LIN28B: variants seen among roughly 807,000 people sequenced by gnomAD.
LIN28B encodes lin-28 RNA binding posttranscriptional regulator B.
Under a neutral mutation model 21.9 loss-of-function variants are expected in LIN28B, and 5 were observed. That is an observed-to-expected ratio of 0.23 (90% CI 0.12 to 0.48). The LOEUF (loss-of-function observed/expected upper bound fraction) is 0.48, where lower values mean the gene tolerates loss of function less well. LIN28B is among the 20% of genes least tolerant of loss of function. The pLI is 0.98. For synonymous variants in LIN28B, 109 were observed against 111.3 expected, an observed-to-expected ratio of 0.98 and a Z score of 0.13; for missense variants, 245 against 310.5, an observed-to-expected ratio of 0.79 and a Z score of 1.58.
chr6:104,948,277 G>A (rs12332789), intron 2 of LIN28B, among the ~76,000 whole-genome samples: 3,445 of 151,982 alleles, frequency 0.023, 145 homozygotes, highest in African/African-American at 0.08. Flanking sequence ...GGCCAGCCTG[G>A]CCAACATAGT....
At chr6:105,033,673 C>T (rs941560850) in intron 3 of LIN28B, among the ~76,000 whole-genome samples, 25 of 151,632 alleles carry the variant, frequency 1.6e-4, no homozygotes, top group South Asian at 6.2e-4. Flanking sequence ...AGAAATTTAA[C>T]GAGTCTATAC....
intron 2 of LIN28B, among the ~76,000 whole-genome samples, chr6:104,971,234 T>C (rs1769972594): frequency 6.6e-6 from 1 of 152,144 alleles, no homozygotes; most frequent in South Asian, 2.1e-4. Flanking sequence ...GAATACTGTA[T>C]AGACCACCCT....
intron 2 of LIN28B, among the ~76,000 whole-genome samples, chr6:104,991,189 G>A (rs1562084125): frequency 6.8e-6 from 1 of 146,854 alleles, no homozygotes; most frequent in African/African-American, 2.5e-5. Flanking sequence ...AGGCGGAGAC[G>A]CCCCCCACCT....
chr6:105,019,752 T>G (rs187971873), intron 2 of LIN28B, among the ~76,000 whole-genome samples: 81 of 152,336 alleles, frequency 5.3e-4, no homozygotes, highest in African/African-American at 1.7e-3. Flanking sequence ...AGAAATTTAT[T>G]GAATTTGGTT....
At chr6:104,969,159 C>T (rs574923402) in intron 2 of LIN28B, among the ~76,000 whole-genome samples, 45 of 152,072 alleles carry the variant, frequency 3.0e-4, no homozygotes, top group African/African-American at 9.4e-4. Context: ...TTAAACTGTG[C>T]GTTAGAAATT....
intron 3 of LIN28B, among the ~76,000 whole-genome samples, chr6:105,068,760 T>C (rs953917575): frequency 1.6e-4 from 24 of 152,372 alleles, no homozygotes; most frequent in African/African-American, 5.8e-4. Flanking sequence ...TCCTTTTCTT[T>C]AGGTATGGAA....
chr6:105,061,137 T>C (rs1772115006), intron 3 of LIN28B, among the ~76,000 whole-genome samples: 1 of 152,192 alleles, frequency 6.6e-6, no homozygotes, highest in South Asian at 2.1e-4. Context: ...TAGTCTACTT[T>C]ATCATTTCCT....
At chr6:104,941,463 G>GCCACGCGGGGGCGCAGGCCAC (rs1778091772) in intron 2 of LIN28B, 1 of 148,962 alleles carries the variant, frequency 6.7e-6, no homozygotes, top group Non-Finnish European at 1.5e-5. Context: ...GGCGGGGCAG[G>GCCACGCGGGGGCGCAGGCCAC]GCGGGGGCGC....
chr6:104,965,440 T>C (rs1409391808), intron 2 of LIN28B, among the ~76,000 whole-genome samples: 1 of 152,232 alleles, frequency 6.6e-6, no homozygotes, highest in Non-Finnish European at 1.5e-5. Context: ...GGATCACTTC[T>C]TGAGCCCAGG....
rs567406716 is a variant in LIN28B, at chr6:104,972,721, CA to C, written c.198+14436del. On this transcript the variant is annotated intron_variant, in intron 2 of 3. Coordinates refer to ENST00000345080, the MANE Select transcript of LIN28B (RefSeq NM_001004317.4). ...CAAATAGTTGAAATATGTGAACAGC[CA>C]GATAGATGCAGATATCTGTTTCAGT... Among the ~76,000 whole-genome samples the C allele has an allele frequency of 4.6e-3, 695 of 152,038 alleles. 6 individuals are homozygous for C. The highest frequency in any genetic ancestry group is 0.016 in the African/African-American group (666 of 41,484).
chr6:104,970,605 G>T (rs1454611734), intron 2 of LIN28B, among the ~76,000 whole-genome samples: 1 of 152,024 alleles, frequency 6.6e-6, no homozygotes, highest in Middle Eastern at 3.2e-3. Context: ...ATCTACCGTG[G>T]TAGTTTCTTA....
intron 2 of LIN28B, among the ~76,000 whole-genome samples, chr6:104,991,296 C>G (rs915672042): frequency 6.6e-6 from 1 of 150,684 alleles, no homozygotes; most frequent in Non-Finnish European, 1.5e-5. Context: ...ACTTCTCGGA[C>G]GGGGCGGCTG....
chr6:105,078,859 C>T lies in LIN28B; in HGVS notation c.*76C>T. On this transcript the variant is annotated 3_prime_UTR_variant, in exon 4 of 4. Coordinates refer to ENST00000345080, the MANE Select transcript of LIN28B (RefSeq NM_001004317.4). ...ATGCAAGTATAGGGGAACAGTATTT[C>T]ACAAGCAGTAGCTGACCTGGGATTT... 1 of 1,493,516 alleles carries T rather than the reference C, an allele frequency of 6.7e-7. No homozygotes were observed. The highest frequency in any genetic ancestry group is 9.0e-7 in the Non-Finnish European group (1 of 1,111,380). 92.5% of individuals were successfully genotyped at this position (1,493,516 alleles called of 1,614,324 possible).
chr6:104,983,717 C>T (rs1195437866), intron 2 of LIN28B, among the ~76,000 whole-genome samples: 1 of 152,122 alleles, frequency 6.6e-6, no homozygotes, highest in African/African-American at 2.4e-5. Context: ...GCTGGGATTA[C>T]AGGCATGTAC....
At chr6:105,063,436 G>A (rs1275321217) in intron 3 of LIN28B, among the ~76,000 whole-genome samples, 1 of 152,188 alleles carries the variant, frequency 6.6e-6, no homozygotes, top group South Asian at 2.1e-4. Flanking sequence ...AGGAGTTCAA[G>A]ACCAGCCTGG....
At chr6:105,064,742 A>G (rs1361001093) in intron 3 of LIN28B, among the ~76,000 whole-genome samples, 1 of 152,358 alleles carries the variant, frequency 6.6e-6, no homozygotes, top group Admixed American at 6.5e-5. Flanking sequence ...TCAGGGTATC[A>G]TTCAATATTT....
At chr6:105,047,882 T>C (rs1771803517) in intron 3 of LIN28B, among the ~76,000 whole-genome samples, 1 of 152,232 alleles carries the variant, frequency 6.6e-6, no homozygotes, top group Non-Finnish European at 1.5e-5. Flanking sequence ...TCCTGAGACT[T>C]TGCCAAATTT....
At chr6:105,024,173 G>A (rs971984528) in intron 2 of LIN28B, among the ~76,000 whole-genome samples, 4 of 151,992 alleles carry the variant, frequency 2.6e-5, no homozygotes, top group Non-Finnish European at 5.9e-5. Context: ...TATTTTTTTA[G>A]TAGAGACGGG....
At chr6:105,069,688 CAAAA>C (rs745592711) in intron 3 of LIN28B, among the ~76,000 whole-genome samples, 1 of 125,808 alleles carries the variant, frequency 7.9e-6, no homozygotes. Context: ...GACCCTGTCT[CAAAA>C]AAAAAAAAAA....
Sources: allele counts gnomAD v4.1 joint callset (sites outside exome capture counted in the v4.1 genomes callset), GRCh38; gene constraint gnomAD v4.1.1; transcripts MANE v1.5; gene names NCBI Gene and HGNC (gene_info 2026-07-23, HGNC 2026-07-21).